The following KRT72 variants were observed in gnomAD, a reference collection of about 807,000 sequenced individuals.
The protein encoded by KRT72 is keratin 72.
Under a neutral mutation model 44.7 loss-of-function variants are expected in KRT72, and 44 were observed. The observed-to-expected ratio is 0.98, with a 90% CI of 0.77 to 1.27. The LOEUF is 1.27. KRT72 is among the 50% of genes most tolerant of loss of function. The pLI is 0.00. For missense variants in KRT72, 736 were observed against 667.1 expected (o/e 1.10, Z -1.14); for synonymous variants, 302 against 280.4 (o/e 1.08, Z -0.77).
At chr12:52,591,934 G>A (rs1940049276) in intron 4 of KRT72, among the ~76,000 whole-genome samples, 1 of 152,248 alleles carries the variant, frequency 6.6e-6, no homozygotes, top group Non-Finnish European at 1.5e-5. Context: ...CCTAGCATGT[G>A]AAGTCCCCTA....
intron 6 of KRT72, among the ~76,000 whole-genome samples, chr12:52,589,467 C>T (rs1939911460): frequency 6.6e-6 from 1 of 152,218 alleles, no homozygotes; most frequent in Non-Finnish European, 1.5e-5. Flanking sequence ...AAACTGTCTT[C>T]TGTTCTTTTT....
intron 2 of KRT72, among the ~76,000 whole-genome samples, chr12:52,593,704 A>G (rs1940137249): frequency 6.6e-6 from 1 of 152,258 alleles, no homozygotes; most frequent in South Asian, 2.1e-4. Context: ...AAATTCTACA[A>G]TATGCTACGA....
At chr12:52,595,580 T>C in intron 2 of KRT72, among the ~76,000 whole-genome samples, 1 of 152,362 alleles carries the variant, frequency 6.6e-6, no homozygotes, top group Admixed American at 6.5e-5. Context: ...AGAGGGCAGA[T>C]ATTTTCTATA....
chr12:52,601,219 G>A lies in KRT72; in HGVS notation c.234C>T (p.Ala78=), dbSNP rs754663294. 1.9e-6 allele frequency: 3 copies of A among 1,606,606 alleles called. No individual in the cohort carries two copies. The highest frequency in any genetic ancestry group is 1.3e-5 in the African/African-American group (1 of 74,634). Residue 78 remains alanine (A), a synonymous_variant, in exon 1 of 9, where the codon GCC becomes GCT. Transcript: ENST00000293745. ...TGGGCCCCAGCCCGGCGCTGCCGAAGGCGGTGCCCACGAAGCCGCCCAGGC... is the reference window on the plus strand; with the variant it reads ...TGGGCCCCAGCCCGGCGCTGCCGAAAGCGGTGCCCACGAAGCCGCCCAGGC... ...GGRLGGFVGT[A]FGSAGLGPKC...
intron 2 of KRT72, among the ~76,000 whole-genome samples, chr12:52,594,632 G>A (rs1940173671): frequency 1.3e-5 from 2 of 151,956 alleles, no homozygotes; most frequent in Non-Finnish European, 2.9e-5. Context: ...GGATAGCATT[G>A]GGAGAAACAC....
chr12:52,586,971 G>A lies in KRT72; in HGVS notation c.1320C>T (p.Gly440=), dbSNP rs140936315. The change falls in exon 8 of 9, where the codon GGC becomes GGT. Residue 440 remains glycine, a synonymous_variant. Coordinates refer to ENST00000293745, the MANE Select transcript of KRT72 (RefSeq NM_080747.3). The part of the protein sequence containing the change: ...LLESEECRMS[G]EYPNSVSISV... ...AGATGCTCACAGAATTTGGATATTC[G>A]CCAGACATCCTGAAGAAGGAGAAGA... The A allele has an allele frequency of 3.2e-5, 51 of 1,613,682 alleles. No homozygotes were observed. Among genetic ancestry groups the A allele is most frequent in the East Asian group, 6.7e-5 (3 of 44,892 alleles).
intron 3 of KRT72, 48 bp from the exon 4 acceptor site, chr12:52,592,539 C>T: frequency 7.3e-7 from 1 of 1,369,954 alleles, no homozygotes; most frequent in Non-Finnish European, 1.0e-6. Context: ...CTCCCCTGCC[C>T]ATCCCTCCCT....
rs1385482244 is a variant in KRT72, at chr12:52,598,919, A to C, written c.620T>G (p.Leu207Trp). ...TCACCTCTTCTTGTAGTCCTCCACC[A>C]AATCCTGCATGTTCCTCAGCTCCGA... is the stretch of plus-strand genomic sequence containing the variant. ...LDSELRNMQD[L>W]VEDYKKRYEV... The change falls in exon 2 of 9, where the codon TTG becomes TGG. Residue 207 changes from leucine to tryptophan, a missense_variant. Physicochemically the swap from Leu to Trp is moderately conservative, Grantham distance 61 (BLOSUM62 -2). Coordinates refer to ENST00000293745, the MANE Select transcript of KRT72 (RefSeq NM_080747.3). 6.2e-7 allele frequency: 1 copy of C among 1,614,126 alleles called. No homozygotes were observed. The highest frequency in any genetic ancestry group is 2.2e-5 in the East Asian group (1 of 44,886).
At chr12:52,593,039 G>T in intron 2 of KRT72, 87 bp from the exon 3 acceptor site, 2 of 1,265,126 alleles carry the variant, frequency 1.6e-6, no homozygotes, top group Non-Finnish European at 1.1e-6. Flanking sequence ...GAGCTGCAGG[G>T]TGGGGGTCTT....
At chr12:52,591,338 G>T in intron 5 of KRT72, 126 bp downstream of exon 5, 1 of 970,726 alleles carries the variant, frequency 1.0e-6, no homozygotes, top group East Asian at 2.7e-5. Flanking sequence ...CAAGACAAAG[G>T]AGGTCTTGAC....
intron 2 of KRT72, among the ~76,000 whole-genome samples, chr12:52,593,725 C>A (rs1164744607): frequency 3.9e-5 from 6 of 152,076 alleles, no homozygotes; most frequent in African/African-American, 1.2e-4. Context: ...CATGGATGAA[C>A]CTTGAGGACC....
chr12:52,592,775 G>A, intron 3 of KRT72, 117 bp downstream of exon 3: 1 of 840,550 alleles, frequency 1.2e-6, no homozygotes, highest in South Asian at 1.5e-5. Flanking sequence ...TAGAGTGCCA[G>A]TCACCCCTGC....
At chr12:52,597,060 G>A (rs888074431) in intron 2 of KRT72, among the ~76,000 whole-genome samples, 1 of 152,176 alleles carries the variant, frequency 6.6e-6, no homozygotes, top group Non-Finnish European at 1.5e-5. Flanking sequence ...ACCTGCTGCA[G>A]CACCTGGATG....
At chr12:52,599,429 G>A (rs1940335722) in intron 1 of KRT72, 1 of 481,094 alleles carries the variant, frequency 2.1e-6, no homozygotes, top group Non-Finnish European at 4.1e-6. Context: ...GAGAAATGGG[G>A]AGCAGGGGAG....
intron 2 of KRT72, among the ~76,000 whole-genome samples, chr12:52,593,893 T>C (rs1327852255): frequency 6.6e-6 from 1 of 152,108 alleles, no homozygotes; most frequent in African/African-American, 2.4e-5. Context: ...AAATGAGGAA[T>C]TAGTGTTAAG....
Position 52,590,830 on chromosome 12 carries a change from A to G in KRT72, c.1089+6T>C. 6.4e-7 allele frequency: 1 copy of G among 1,568,180 alleles called. No homozygotes were observed. On this transcript the variant is annotated splice_donor_region_variant and intron_variant, in intron 6 of 8. Coordinates refer to ENST00000293745, the MANE Select transcript of KRT72 (RefSeq NM_080747.3). ...ACTGTTAGTGGATTAATTTCATAGA[A>G]CCCACCTGCTTCTTCACATTCCCTA...
Position 52,601,346 on chromosome 12 carries a change from G to A in KRT72, c.107C>T (p.Ala36Val). 6.5e-7 allele frequency: 1 copy of A among 1,544,908 alleles called. No individual in the cohort carries two copies. The part of the protein sequence containing the change: ...GIGSSSASFR[A>V]RVKGSASFGS... ...AAAGGAGGCCGAGCCCTTGACCCGG[G>A]CCCGGAATGAGGCGGAGCTGCTGCC... Residue 36 changes from alanine (A) to valine (V), a missense_variant, in exon 1 of 9, where the codon GCC becomes GTC. Ala to Val is a moderately conservative substitution (Grantham distance 64). Coordinates refer to ENST00000293745, the MANE Select transcript of KRT72 (RefSeq NM_080747.3).
At chr12:52,586,202 C>T in intron 8 of KRT72, 30 bp from the exon 9 acceptor site, 1 of 1,595,682 alleles carries the variant, frequency 6.3e-7, no homozygotes, top group Non-Finnish European at 8.6e-7. Flanking sequence ...ACCTCAGCCC[C>T]CGTCAGCTCT....
In KRT72 at chr12:52,587,777, C is replaced by T; in HGVS notation, c.1164G>A (p.Lys388=). 6.2e-7 allele frequency: 1 copy of T among 1,614,134 alleles called. No individual in the cohort carries two copies. The highest frequency in any genetic ancestry group is 8.5e-7 in the Non-Finnish European group (1 of 1,179,968). Residue 388 remains lysine (K), a synonymous_variant, in exon 7 of 9, where the codon AAG becomes AAA. Transcript: ENST00000293745. ...GCAGGGCGCCCTCCAGCTCATCCAG[C>T]TTGGCCCGGGCATCTTTCAGGGCGC... ...GDCALKDARA[K]LDELEGALHQ...
Sources: allele counts gnomAD v4.1 joint callset (sites outside exome capture counted in the v4.1 genomes callset), GRCh38; gene constraint gnomAD v4.1.1; transcripts MANE v1.5; gene names NCBI Gene and HGNC (gene_info 2026-07-23, HGNC 2026-07-21).